MIPOL1: variants seen among roughly 807,000 people sequenced by gnomAD.
MIPOL1 encodes the protein mirror-image polydactyly gene 1 protein.
MIPOL1 carries 57 observed loss-of-function variants against 60.9 expected under a neutral mutation model. That is an observed-to-expected ratio of 0.94 (90% confidence interval 0.76 to 1.17). The LOEUF (loss-of-function observed/expected upper bound fraction) is 1.17. Ranked by LOEUF, MIPOL1 falls within the 50% of genes most tolerant of loss-of-function variation. The pLI, the probability that MIPOL1 is intolerant of heterozygous loss-of-function variation, is 0.00. For synonymous variants in MIPOL1, 179 were observed against 168.8 expected, an observed-to-expected ratio of 1.06 and a Z score of -0.47; for missense variants, 551 against 511.6, an observed-to-expected ratio of 1.08 and a Z score of -0.74.
intron 11 of MIPOL1, among the ~76,000 whole-genome samples, chr14:37,457,788 G>T (rs891468180): frequency 6.6e-5 from 10 of 152,048 alleles, no homozygotes; most frequent in Non-Finnish European, 2.9e-5. Flanking sequence ...ACCCAAATCA[G>T]ACAATTTCTG....
At chr14:37,489,057 C>CATCACTTTCAAGTACACCA (rs1256560868) in intron 11 of MIPOL1, among the ~76,000 whole-genome samples, 1 of 152,206 alleles carries the variant, frequency 6.6e-6, no homozygotes, top group African/African-American at 2.4e-5. Flanking sequence ...CCATTCTCCG[C>CATCACTTTCAAGTACACCA]ATCACTTTCA....
At chr14:37,228,504 C>T (rs1288336436) in intron 1 of MIPOL1, among the ~76,000 whole-genome samples, 2 of 151,962 alleles carry the variant, frequency 1.3e-5, no homozygotes, top group African/African-American at 2.4e-5. Flanking sequence ...TTCTTGTCCT[C>T]GTAAATAGAA....
intron 1 of MIPOL1, among the ~76,000 whole-genome samples, chr14:37,215,661 G>T (rs189083197): frequency 2.0e-5 from 3 of 152,260 alleles, no homozygotes; most frequent in Non-Finnish European, 2.9e-5. Flanking sequence ...AATATAAATG[G>T]ACTAAACTCT....
chr14:37,319,641 A>G (rs941757801), intron 9 of MIPOL1, among the ~76,000 whole-genome samples: 5 of 152,140 alleles, frequency 3.3e-5, no homozygotes, highest in African/African-American at 1.2e-4. Flanking sequence ...TTTGAAAGCT[A>G]TGGAAGCTTC....
intron 10 of MIPOL1, among the ~76,000 whole-genome samples, chr14:37,421,208 T>C (rs2093867435): frequency 6.6e-6 from 1 of 152,114 alleles, no homozygotes; most frequent in African/African-American, 2.4e-5. Flanking sequence ...AATTTTTGTT[T>C]TGTTGGTTGG....
intron 9 of MIPOL1, among the ~76,000 whole-genome samples, chr14:37,346,709 G>T (rs1012972527): frequency 6.6e-6 from 1 of 152,112 alleles, no homozygotes. Context: ...TAGGAACTTT[G>T]ATTTTTATTA....
intron 11 of MIPOL1, among the ~76,000 whole-genome samples, chr14:37,448,877 A>G (rs902445133): frequency 2.0e-5 from 3 of 152,206 alleles, no homozygotes; most frequent in Non-Finnish European, 4.4e-5. Flanking sequence ...GCATTAATCA[A>G]TATTTTCTAA....
chr14:37,228,997 A>G (rs1970208935), intron 1 of MIPOL1, among the ~76,000 whole-genome samples: 1 of 152,134 alleles, frequency 6.6e-6, no homozygotes, highest in Admixed American at 6.6e-5. Flanking sequence ...TAGATTGAAA[A>G]TGGTAAAGTT....
intron 12 of MIPOL1, chr14:37,504,349 A>G (rs1019730907): frequency 1.3e-5 from 2 of 152,162 alleles, no homozygotes; most frequent in African/African-American, 4.8e-5. Flanking sequence ...TGACCACATA[A>G]TTGGAAGTAA....
Position 37,369,505 on chromosome 14 carries a change from C to T in MIPOL1, c.829-12C>T. 1 of 1,598,108 alleles carries T rather than the reference C, an allele frequency of 6.3e-7. No homozygotes were observed. Among genetic ancestry groups the T allele is most frequent in the Non-Finnish European group, 8.6e-7 (1 of 1,168,130 alleles). On this transcript the variant is annotated splice_polypyrimidine_tract_variant and intron_variant, in intron 9 of 12. Coordinates refer to ENST00000684589, the MANE Select transcript of MIPOL1 (RefSeq NM_001388067.1). ...AACTCCTTTACTTAATGGGATTCTT[C>T]CCCTGTGGCAGTGCAAACGGTTAGA...
At chr14:37,437,854 T>C (rs1324112170) in intron 11 of MIPOL1, among the ~76,000 whole-genome samples, 1 of 152,220 alleles carries the variant, frequency 6.6e-6, no homozygotes, top group Non-Finnish European at 1.5e-5. Context: ...ATTATTATTA[T>C]AATCCCAATG....
At chr14:37,495,131 TA>T (rs1439539794) in intron 11 of MIPOL1, among the ~76,000 whole-genome samples, 40 of 131,458 alleles carry the variant, frequency 3.0e-4, no homozygotes, top group Non-Finnish European at 4.8e-4. Flanking sequence ...TTTTTTTTTT[TA>T]ATATTTTTTT....
At chr14:37,401,146 A>T (rs1290174543) in intron 10 of MIPOL1, 1 of 152,166 alleles carries the variant, frequency 6.6e-6, no homozygotes, top group African/African-American at 2.4e-5. Context: ...AACACTAAGA[A>T]AAACACAAGG....
At chr14:37,402,891 C>T (rs1176587172) in intron 10 of MIPOL1, among the ~76,000 whole-genome samples, 1 of 152,178 alleles carries the variant, frequency 6.6e-6, no homozygotes, top group African/African-American at 2.4e-5. Flanking sequence ...GAGGAGAGGG[C>T]AGCCCTCTTG....
In MIPOL1 at chr14:37,458,214, A is replaced by C. The variant is rs527351449; in HGVS notation, c.1031+35265A>C. Among the ~76,000 whole-genome samples, 4 of 152,300 alleles carry C rather than the reference A, an allele frequency of 2.6e-5. No individual in the cohort carries two copies. The South Asian group carries it at 8.3e-4, about 32-fold the overall frequency. ...AAAAGAGATAAACAGCAATACAATA[A>C]TAGTGGAAGACTTCAACATCCCAAT... On this transcript the variant is annotated intron_variant, in intron 11 of 12. Coordinates refer to ENST00000684589, the MANE Select transcript of MIPOL1 (RefSeq NM_001388067.1).
rs138975768 is a variant in MIPOL1 at position 37,380,698 on chromosome 14, T to C, written c.936+11074T>C. ...CTAATGATGTTTTTCTAATTGGGAG[T>C]TTCATAGTCAGTGTTGTTTTAGGAA... On this transcript the variant is annotated intron_variant, in intron 10 of 12. Transcript: ENST00000684589. Among the ~76,000 whole-genome samples, 469 of 152,226 alleles carry C rather than the reference T, an allele frequency of 3.1e-3. 3 individuals carry two copies. Among genetic ancestry groups the C allele is most frequent in the African/African-American group, 9.6e-3 (399 of 41,562 alleles).
At chr14:37,370,274 G>A (rs1181508916) in intron 10 of MIPOL1, among the ~76,000 whole-genome samples, 4 of 152,094 alleles carry the variant, frequency 2.6e-5, no homozygotes, top group African/African-American at 9.7e-5. Context: ...TAAGGTGCTT[G>A]TGACTTTTCA....
chr14:37,503,547 G>A (rs1464847437), intron 12 of MIPOL1: 1 of 152,098 alleles, frequency 6.6e-6, no homozygotes, highest in African/African-American at 2.4e-5. Context: ...TTACAGACAA[G>A]CAAATGTTGA....
intron 6 of MIPOL1, among the ~76,000 whole-genome samples, chr14:37,282,925 T>C (rs868656635): frequency 9.2e-5 from 14 of 152,266 alleles, no homozygotes; most frequent in African/African-American, 1.9e-4. Context: ...TTAAAACTTA[T>C]GAACTGTTTA....
Sources: gnomAD v4.1 joint callset for allele counts (sites outside exome capture counted in the v4.1 genomes callset) on GRCh38, gnomAD v4.1.1 for gene constraint, MANE v1.5 for transcripts, NCBI Gene and HGNC (gene_info 2026-07-23, HGNC 2026-07-21) for gene names.